PCDH15: variants seen among roughly 807,000 people sequenced by gnomAD.
The protein encoded by PCDH15 is protocadherin related 15.
Under a neutral mutation model 178.5 loss-of-function variants are expected in PCDH15, and 129 were observed. The ratio of observed to expected loss-of-function variants is 0.72; its 90% CI spans 0.63 to 0.84. The LOEUF (loss-of-function observed/expected upper bound fraction) is 0.84, where lower values mean the gene tolerates loss of function less well. Among genes scored for constraint, PCDH15 ranks in the 40% least tolerant of loss-of-function variants. The pLI is 0.00. For synonymous variants in PCDH15, 800 were observed against 732.0 expected (o/e 1.09, Z -1.50); for missense variants, 2,230 against 2,099.9 (o/e 1.06, Z -1.21).
intron 35 of PCDH15, among the ~76,000 whole-genome samples, chr10:53,812,894 G>A (rs914836373): frequency 5.9e-5 from 9 of 152,090 alleles, no homozygotes; most frequent in African/African-American, 2.2e-4. Context: ...AATGAGTCAG[G>A]AAATAAAAAG....
chr10:54,593,318 A>G (rs1472902142), intron 2 of PCDH15, among the ~76,000 whole-genome samples: 1 of 152,104 alleles, frequency 6.6e-6, no homozygotes, highest in Admixed American at 6.5e-5. Context: ...TCTTATGTTT[A>G]TGTCTTTAAT....
chr10:55,570,142 C>A (rs902524702), intron 2 of PCDH15, among the ~76,000 whole-genome samples: 1 of 151,866 alleles, frequency 6.6e-6, no homozygotes, highest in South Asian at 2.1e-4. Context: ...TAAATAGCTT[C>A]TCTTTGTTTC....
rs553578193 is a variant in PCDH15 at position 54,128,832 on chromosome 10, C to A, written c.1917+4043G>T. 2.6e-5 allele frequency among the ~76,000 whole-genome samples: 4 copies of A among 152,192 alleles called. No individual in the cohort carries two copies. The East Asian group carries it at 7.7e-4, about 29-fold the overall frequency. Reference sequence around the variant, plus strand: ...TTCATATTTCTCTAAAGTGTTTCTTCATAAGAGCCTTAAAATAAATTGTAT... The same window carrying A: ...TTCATATTTCTCTAAAGTGTTTCTTAATAAGAGCCTTAAAATAAATTGTAT... On this transcript the variant is annotated intron_variant, in intron 15 of 37. Coordinates refer to ENST00000644397, the MANE Select transcript of PCDH15 (RefSeq NM_001384140.1).
intron 26 of PCDH15, among the ~76,000 whole-genome samples, chr10:53,881,136 A>G (rs1038713826): frequency 6.6e-6 from 1 of 152,220 alleles, no homozygotes; most frequent in Non-Finnish European, 1.5e-5. Flanking sequence ...TGGCTCCAAC[A>G]CCAGTAAAAT....
intron 2 of PCDH15, among the ~76,000 whole-genome samples, chr10:55,093,117 C>T (rs1330656424): frequency 3.3e-5 from 5 of 151,914 alleles, no homozygotes; most frequent in Non-Finnish European, 7.4e-5. Context: ...ATATGAAATA[C>T]TCTACAGACT....
At chr10:54,226,296 C>G (rs1283114757) in intron 9 of PCDH15, among the ~76,000 whole-genome samples, 2 of 152,104 alleles carry the variant, frequency 1.3e-5, no homozygotes, top group African/African-American at 2.4e-5. Context: ...TTTTTAAAAC[C>G]ATCATATCTC....
intron 3 of PCDH15, among the ~76,000 whole-genome samples, chr10:54,841,557 G>T (rs1378962335): frequency 3.3e-5 from 5 of 151,542 alleles, no homozygotes; most frequent in Admixed American, 1.3e-4. Context: ...AAAAATTAGA[G>T]CAACAAATAA....
intron 1 of PCDH15, among the ~76,000 whole-genome samples, chr10:55,219,217 G>A (rs1356556474): frequency 6.6e-6 from 1 of 151,644 alleles, no homozygotes; most frequent in African/African-American, 2.4e-5. Flanking sequence ...AAATAAGTAG[G>A]GTCTTCTCTA....
intron 2 of PCDH15, among the ~76,000 whole-genome samples, chr10:55,094,792 A>G (rs1369947191): frequency 6.6e-6 from 1 of 152,020 alleles, no homozygotes; most frequent in Non-Finnish European, 1.5e-5. Context: ...AAATAATTTC[A>G]TTCAGTCCTT....
At chr10:54,296,144 C>CAAAAAAAAAAAAAAAAAAAAAAAAAA (rs59721161) in intron 8 of PCDH15, among the ~76,000 whole-genome samples, 3 of 48,222 alleles carry the variant, frequency 6.2e-5, no homozygotes, top group Admixed American at 3.4e-4. Flanking sequence ...GACTCCGTCT[C>CAAAAAAAAAAAAAAAAAAAAAAAAAA]AAAAAAAAAA....
intron 2 of PCDH15, among the ~76,000 whole-genome samples, chr10:55,575,480 T>C (rs1842479470): frequency 6.6e-6 from 1 of 152,170 alleles, no homozygotes; most frequent in East Asian, 1.9e-4. Context: ...TACCATTAAT[T>C]CAACCCCATA....
intron 8 of PCDH15, among the ~76,000 whole-genome samples, chr10:54,240,734 C>T (rs1416734702): frequency 6.7e-6 from 1 of 150,068 alleles, no homozygotes; most frequent in Non-Finnish European, 1.5e-5. Context: ...CGGGTTCACG[C>T]CATTCTCCTG....
At chr10:54,022,854 A>G in intron 19 of PCDH15, 38 bp downstream of exon 19, 1 of 1,605,688 alleles carries the variant, frequency 6.2e-7, no homozygotes, top group South Asian at 1.1e-5. Context: ...AAATCTCCTA[A>G]TGTAGGATTC....
chr10:53,840,315 C>T lies in PCDH15; in HGVS notation c.3983+5G>A. ...GAGCTGTTACAGATAACAAAAAGCA[C>T]TTACTTAAAAAGCTCATTTCTATCG... On this transcript the variant is annotated splice_donor_5th_base_variant and intron_variant, in intron 29 of 37. Coordinates refer to ENST00000644397, the MANE Select transcript of PCDH15 (RefSeq NM_001384140.1). 6.2e-7 allele frequency: 1 copy of T among 1,613,758 alleles called. No individual in the cohort carries two copies. The highest frequency in any genetic ancestry group is 8.5e-7 in the Non-Finnish European group (1 of 1,179,650).
In PCDH15 at chr10:54,841,277, C is replaced by T. The variant is rs187605621; in HGVS notation, c.-29+56173G>A. 9.2e-5 allele frequency among the ~76,000 whole-genome samples: 14 copies of T among 151,736 alleles called. No individual in the cohort carries two copies. In the East Asian group the frequency reaches 2.1e-3, roughly 23 times the overall value. On this transcript the variant is annotated intron_variant, in intron 3 of 5. Coordinates refer to the PCDH15 transcript ENST00000458638. ...ACAAAAGGAGGAAAACTGGAAAATT[C>T]GCAAACGTGGGAATTAAACAACACA...
intron 11 of PCDH15, among the ~76,000 whole-genome samples, chr10:54,192,126 AAG>A (rs2049079485): frequency 7.8e-6 from 1 of 128,940 alleles, no homozygotes; most frequent in Non-Finnish European, 1.6e-5. Flanking sequence ...AAAAGAAAGA[AAG>A]AAAGAGAAAG....
intron 6 of PCDH15, among the ~76,000 whole-genome samples, chr10:54,343,088 C>T (rs1942557033): frequency 6.6e-6 from 1 of 152,026 alleles, no homozygotes; most frequent in Non-Finnish European, 1.5e-5. Flanking sequence ...CTTTAGGGAA[C>T]TATTGAGAAG....
chr10:54,181,605 TC>T (rs1457667745), intron 13 of PCDH15, among the ~76,000 whole-genome samples: 2 of 152,150 alleles, frequency 1.3e-5, no homozygotes, highest in Non-Finnish European at 2.9e-5. Flanking sequence ...GTATTAAACA[TC>T]TACTATATGC....
At chr10:55,090,658 G>C (rs1842294676) in intron 2 of PCDH15, among the ~76,000 whole-genome samples, 1 of 151,980 alleles carries the variant, frequency 6.6e-6, no homozygotes, top group African/African-American at 2.4e-5. Flanking sequence ...TCAGCTCTTT[G>C]ACATGACACA....
Sources: gnomAD v4.1 joint callset for allele counts (sites outside exome capture counted in the v4.1 genomes callset) on GRCh38, gnomAD v4.1.1 for gene constraint, MANE v1.5 for transcripts, NCBI Gene and HGNC (gene_info 2026-07-23, HGNC 2026-07-21) for gene names.